Variants in CNTNAP2 observed in about 807,000 individuals in gnomAD.
CNTNAP2 encodes contactin-associated protein-like 2.
A neutral mutation model predicts 155.2 loss-of-function variants in CNTNAP2; 98 were observed. The ratio of observed to expected loss-of-function variants is 0.63; its 90% CI spans 0.54 to 0.75. The LOEUF is 0.75. Ranked by LOEUF, CNTNAP2 falls within the 30% of genes least tolerant of loss-of-function variation. The probability of loss-of-function intolerance (pLI) is 0.00; values close to 1 mark genes in which losing one functional copy is unlikely to be tolerated. For missense variants in CNTNAP2, 1,727 were observed against 1,688.1 expected, an observed-to-expected ratio of 1.02 and a Z score of -0.40; for synonymous variants, 651 against 631.2, an observed-to-expected ratio of 1.03 and a Z score of -0.47.
At chr7:148,022,480 A>AAAAAGAAAAAAAGAAAAGAAAAG (rs748141471) in intron 15 of CNTNAP2, among the ~76,000 whole-genome samples, 2 of 138,288 alleles carry the variant, frequency 1.4e-5, no homozygotes, top group Admixed American at 7.3e-5. Flanking sequence ...AAAAAAAAAA[A>AAAAAGAAAAAAAGAAAAGAAAAG]AAAAGAAAAG....
At chr7:146,877,989 A>T (rs1003280843) in intron 3 of CNTNAP2, among the ~76,000 whole-genome samples, 2 of 152,202 alleles carry the variant, frequency 1.3e-5, no homozygotes, top group African/African-American at 4.8e-5. Flanking sequence ...AAAATACTCA[A>T]TAGAATACAT....
intron 9 of CNTNAP2, among the ~76,000 whole-genome samples, chr7:147,358,769 T>C (rs7785125): frequency 0.23 from 34,402 of 151,910 alleles, 4,244 homozygotes; most frequent in Non-Finnish European, 0.28. Context: ...ATGTTGCCAT[T>C]CCTCAAAAAC....
intron 8 of CNTNAP2, among the ~76,000 whole-genome samples, chr7:147,298,906 G>A (rs1794889808): frequency 6.6e-6 from 1 of 152,204 alleles, no homozygotes; most frequent in Non-Finnish European, 1.5e-5. Context: ...GTGGCAGCAA[G>A]CCAGATTTCA....
At chr7:148,080,680 G>A (rs1324506523) in intron 15 of CNTNAP2, among the ~76,000 whole-genome samples, 1 of 150,550 alleles carries the variant, frequency 6.6e-6, no homozygotes, top group African/African-American at 2.4e-5. Context: ...CCTTGCCAAA[G>A]AATGGTAATA....
At chr7:146,704,957 A>T (rs563684217) in intron 1 of CNTNAP2, among the ~76,000 whole-genome samples, 1 of 152,238 alleles carries the variant, frequency 6.6e-6, no homozygotes, top group Middle Eastern at 3.4e-3. Context: ...TTTTAGCTAG[A>T]TGGTCAGATC....
chr7:148,066,274 T>C (rs1451074716), intron 15 of CNTNAP2, among the ~76,000 whole-genome samples: 1 of 152,206 alleles, frequency 6.6e-6, no homozygotes, highest in African/African-American at 2.4e-5. Flanking sequence ...TGATGATCTT[T>C]TTGTGATGAA....
chr7:146,490,107 G>T (rs1419815937), intron 1 of CNTNAP2, among the ~76,000 whole-genome samples: 1 of 152,116 alleles, frequency 6.6e-6, no homozygotes, highest in Non-Finnish European at 1.5e-5. Flanking sequence ...TTGGAGGGGG[G>T]ATTTCACTGG....
chr7:147,391,662 T>G (rs920615840), intron 9 of CNTNAP2, among the ~76,000 whole-genome samples: 1 of 152,102 alleles, frequency 6.6e-6, no homozygotes, highest in Non-Finnish European at 1.5e-5. Flanking sequence ...GAATCCCTAT[T>G]GTTTAACTGA....
At chr7:147,986,843 T>C (rs1044287031) in intron 15 of CNTNAP2, among the ~76,000 whole-genome samples, 4 of 150,646 alleles carry the variant, frequency 2.7e-5, no homozygotes, top group Non-Finnish European at 5.9e-5. Flanking sequence ...AGAAAGTTGA[T>C]GACTTCTGTT....
chr7:146,690,288 G>A (rs974038615), intron 1 of CNTNAP2, among the ~76,000 whole-genome samples: 2 of 152,098 alleles, frequency 1.3e-5, no homozygotes, highest in African/African-American at 2.4e-5. Flanking sequence ...GGAGACATAC[G>A]TCATGATCAG....
intron 15 of CNTNAP2, among the ~76,000 whole-genome samples, chr7:148,117,033 G>A (rs1804488867): frequency 6.6e-6 from 1 of 152,202 alleles, no homozygotes; most frequent in Non-Finnish European, 1.5e-5. Flanking sequence ...TTTCTCCCCT[G>A]AAGATGAAGT....
chr7:147,319,809 T>C (rs1228638164), intron 9 of CNTNAP2, among the ~76,000 whole-genome samples: 1 of 152,196 alleles, frequency 6.6e-6, no homozygotes, highest in Non-Finnish European at 1.5e-5. Flanking sequence ...AAATCCAACT[T>C]AGTAACGATT....
chr7:147,528,017 T>C (rs1393647303), intron 11 of CNTNAP2, among the ~76,000 whole-genome samples: 1 of 152,202 alleles, frequency 6.6e-6, no homozygotes, highest in Non-Finnish European at 1.5e-5. Context: ...TACGTGGGGA[T>C]GCTGGGACGT....
intron 8 of CNTNAP2, among the ~76,000 whole-genome samples, chr7:147,215,842 G>C (rs1330867128): frequency 6.6e-6 from 1 of 151,986 alleles, no homozygotes; most frequent in Admixed American, 6.6e-5. Context: ...TTTGCATCCT[G>C]GCCAATATTT....
chr7:148,277,829 CAA>C (rs36031492), intron 21 of CNTNAP2, among the ~76,000 whole-genome samples: 1 of 146,890 alleles, frequency 6.8e-6, no homozygotes, highest in Non-Finnish European at 1.5e-5. Context: ...TTACTTCCTA[CAA>C]AAAAAAAAAG....
At chr7:146,713,581 T>C (rs1801135700) in intron 1 of CNTNAP2, among the ~76,000 whole-genome samples, 2 of 152,202 alleles carry the variant, frequency 1.3e-5, no homozygotes, top group Non-Finnish European at 2.9e-5. Flanking sequence ...TGTTGCTATG[T>C]ATCTCTATTC....
At chr7:147,950,091 C>T (rs1800899242) in intron 14 of CNTNAP2, among the ~76,000 whole-genome samples, 1 of 151,846 alleles carries the variant, frequency 6.6e-6, no homozygotes, top group African/African-American at 2.4e-5. Context: ...TGTAGATAGC[C>T]CTGCAGAATC....
At position 147,421,583 on chromosome 7, in the gene CNTNAP2, A is replaced by ATGTGTGTGTGTGTG. The variant is rs1331509521; in HGVS notation, c.1670+25804_1670+25805insGTGTGTGTGTGTGT. ...TGATATGTCCTGGTATGTCTATCTA[A>ATGTGTGTGTGTGTG]TCTGTGTGTGTGTGTGTGTGTGTGT... On this transcript the variant is annotated intron_variant, in intron 10 of 23. Transcript: ENST00000361727. 4.2e-4 allele frequency among the ~76,000 whole-genome samples: 20 copies of ATGTGTGTGTGTGTG among 47,142 alleles called. 1 individual carries two copies. Among genetic ancestry groups the ATGTGTGTGTGTGTG allele is most frequent in the African/African-American group, 2.3e-3 (19 of 8,342 alleles). The allele number at this position is 47,142 out of a possible 152,430, so 30.9% of individuals were successfully genotyped here.
Position 147,523,810 on chromosome 7 carries a change from C to T in CNTNAP2, c.1777+37769C>T, listed in dbSNP as rs541236682. Among the ~76,000 whole-genome samples, 30 of 152,296 alleles carry T rather than the reference C, an allele frequency of 2.0e-4. No homozygotes were observed. The South Asian group carries it at 2.3e-3, about 12-fold the overall frequency. ...CAGACCGTGTGCTATGTACAGATGT[C>T]TCGTATGGAGCTATAAATTATAATT... On this transcript the variant is annotated intron_variant, in intron 11 of 23. Transcript: ENST00000361727.
Sources: allele counts gnomAD v4.1 joint callset (sites outside exome capture counted in the v4.1 genomes callset), GRCh38; gene constraint gnomAD v4.1.1; transcripts MANE v1.5; gene names NCBI Gene and HGNC (gene_info 2026-07-23, HGNC 2026-07-21).